Variants in SOX6 observed in about 807,000 individuals in gnomAD.
The protein encoded by SOX6 is transcription factor SOX-6.
In SOX6, 11 loss-of-function variants were observed where a neutral mutation model predicts 97.8. The ratio of observed to expected loss-of-function variants is 0.11; its 90% confidence interval spans 0.07 to 0.19. The LOEUF (loss-of-function observed/expected upper bound fraction) is 0.19. Ranked by LOEUF, SOX6 falls within the 10% of genes least tolerant of loss-of-function variation. The pLI is 1.00. For missense variants in SOX6, 810 were observed against 1,039.5 expected (o/e 0.78, Z 3.04); for synonymous variants, 360 against 371.4 (o/e 0.97, Z 0.35).
At chr11:16,667,095 G>A (rs1024582747) in intron 3 of SOX6, among the ~76,000 whole-genome samples, 2 of 151,050 alleles carry the variant, frequency 1.3e-5, no homozygotes, top group Non-Finnish European at 2.9e-5. Context: ...CAGGCATAGT[G>A]GTGCACACCT....
intron 13 of SOX6, among the ~76,000 whole-genome samples, chr11:15,997,165 T>C (rs1290952995): frequency 6.6e-6 from 1 of 152,118 alleles, no homozygotes; most frequent in Non-Finnish European, 1.5e-5. Context: ...AGACACAAAC[T>C]ACCAAAATTC....
chr11:16,621,555 T>C (rs1848545516), intron 3 of SOX6, among the ~76,000 whole-genome samples: 1 of 152,200 alleles, frequency 6.6e-6, no homozygotes, highest in Non-Finnish European at 1.5e-5. Flanking sequence ...GCTAGAGTAT[T>C]AGATCGTCTT....
intron 1 of SOX6, among the ~76,000 whole-genome samples, chr11:16,442,493 A>G (rs1165987153): frequency 6.6e-6 from 1 of 152,192 alleles, no homozygotes; most frequent in African/African-American, 2.4e-5. Flanking sequence ...AATGACATGC[A>G]TTCACATATT....
intron 10 of SOX6, among the ~76,000 whole-genome samples, chr11:16,052,008 C>T (rs1382445438): frequency 6.6e-6 from 1 of 151,632 alleles, no homozygotes; most frequent in Admixed American, 6.6e-5. Context: ...TAATCTCAAA[C>T]ACTGTATTGT....
At chr11:16,069,642 A>G (rs1288060477) in intron 9 of SOX6, among the ~76,000 whole-genome samples, 1 of 152,168 alleles carries the variant, frequency 6.6e-6, no homozygotes, top group Non-Finnish European at 1.5e-5. Context: ...AGGTGTTTTC[A>G]GATTTTTAAA....
chr11:16,663,185 T>G (rs1392107985), intron 3 of SOX6, among the ~76,000 whole-genome samples: 1 of 152,122 alleles, frequency 6.6e-6, no homozygotes, highest in Non-Finnish European at 1.5e-5. Flanking sequence ...AGGCAGTGAA[T>G]GCTCAGGCTC....
chr11:16,332,231 G>A (rs140575070), intron 2 of SOX6, among the ~76,000 whole-genome samples: 1,626 of 152,136 alleles, frequency 0.011, 27 homozygotes, highest in Admixed American at 0.023. Flanking sequence ...TTCTGAATTC[G>A]TTCATGGATT....
At chr11:15,980,873 G>C (rs949989720) in intron 15 of SOX6, among the ~76,000 whole-genome samples, 1 of 152,050 alleles carries the variant, frequency 6.6e-6, no homozygotes, top group Non-Finnish European at 1.5e-5. Flanking sequence ...TGTCTTGTGT[G>C]TGTATGTGTG....
At chr11:16,665,696 A>C (rs1564863537) in intron 3 of SOX6, among the ~76,000 whole-genome samples, 1 of 152,162 alleles carries the variant, frequency 6.6e-6, no homozygotes, top group Non-Finnish European at 1.5e-5. Flanking sequence ...CAGTAAACAT[A>C]GGCAATAGGC....
At chr11:16,560,530 TATATGTTTATACGTAC>T (rs879562961) in intron 4 of SOX6, among the ~76,000 whole-genome samples, 4,003 of 103,164 alleles carry the variant, frequency 0.039, 1,711 homozygotes, top group Middle Eastern at 0.11. Flanking sequence ...TATACGTACA[TATATGTTTATACGTAC>T]ATATGTTTAT....
At chr11:16,405,040 T>C (rs1030372604) in intron 1 of SOX6, among the ~76,000 whole-genome samples, 3 of 151,974 alleles carry the variant, frequency 2.0e-5, no homozygotes, top group African/African-American at 4.8e-5. Flanking sequence ...TTACTTAGAT[T>C]AATCGGAGGC....
Position 16,060,964 on chromosome 11 carries a change from T to C in SOX6, c.1102-5063A>G, listed in dbSNP as rs529292207. Among the ~76,000 whole-genome samples, 9 of 151,894 alleles carry C rather than the reference T, an allele frequency of 5.9e-5. No homozygotes were observed. The East Asian group carries it at 1.7e-3, about 29-fold the overall frequency. Reference sequence around the variant, plus strand: ...TTGCAAATAACAGATACCCAATCAATAGTTTCTGATTTAACATACTATACA... The same window carrying C: ...TTGCAAATAACAGATACCCAATCAACAGTTTCTGATTTAACATACTATACA... On this transcript the variant is annotated intron_variant, in intron 9 of 15. Transcript: ENST00000683767.
intron 1 of SOX6, among the ~76,000 whole-genome samples, chr11:16,410,518 A>T (rs1460095252): frequency 6.6e-6 from 1 of 152,150 alleles, no homozygotes; most frequent in Non-Finnish European, 1.5e-5. Context: ...GCACTTTGGG[A>T]GACCAAGGTG....
chr11:16,259,973 G>GTGTA (rs71044090), intron 3 of SOX6, among the ~76,000 whole-genome samples: 21 of 145,276 alleles, frequency 1.4e-4, no homozygotes, highest in African/African-American at 2.2e-4. Flanking sequence ...GTGTGTGTGT[G>GTGTA]TATATATACA....
intron 9 of SOX6, among the ~76,000 whole-genome samples, chr11:16,079,528 T>C (rs978457110): frequency 1.3e-5 from 2 of 152,088 alleles, no homozygotes; most frequent in Non-Finnish European, 2.9e-5. Flanking sequence ...TGAACAAAAA[T>C]AATAATACAT....
At chr11:16,736,113 T>G (rs1848389486) in intron 2 of SOX6, among the ~76,000 whole-genome samples, 2 of 152,214 alleles carry the variant, frequency 1.3e-5, no homozygotes, top group Non-Finnish European at 2.9e-5. Context: ...TGGTACTATA[T>G]AATTTCATCC....
At chr11:16,230,084 C>T (rs1030700593) in intron 4 of SOX6, among the ~76,000 whole-genome samples, 2 of 151,578 alleles carry the variant, frequency 1.3e-5, no homozygotes, top group Non-Finnish European at 3.0e-5. Flanking sequence ...ATTTGAAAAA[C>T]AAAACCTAAT....
At chr11:16,624,796 A>C (rs1189673134) in intron 3 of SOX6, among the ~76,000 whole-genome samples, 1 of 152,192 alleles carries the variant, frequency 6.6e-6, no homozygotes, top group East Asian at 1.9e-4. Context: ...GATATTGTCC[A>C]GTTTGTTTGG....
intron 4 of SOX6, among the ~76,000 whole-genome samples, chr11:16,539,489 T>A: frequency 6.6e-6 from 1 of 150,422 alleles, no homozygotes. Flanking sequence ...CTGAAGGAGA[T>A]AGAGACATAA....
Sources: allele counts gnomAD v4.1 joint callset (sites outside exome capture counted in the v4.1 genomes callset), GRCh38; gene constraint gnomAD v4.1.1; transcripts MANE v1.5; gene names NCBI Gene and HGNC (gene_info 2026-07-23, HGNC 2026-07-21).